Variants in DOCK9 observed in about 807,000 individuals in gnomAD.
The protein encoded by DOCK9 is dedicator of cytokinesis protein 9.
DOCK9 carries 89 observed loss-of-function variants against 263.3 expected under a neutral mutation model. That is an observed-to-expected ratio of 0.34 (90% CI 0.28 to 0.40). The LOEUF (loss-of-function observed/expected upper bound fraction) is 0.40, where lower values mean the gene tolerates loss of function less well. Ranked by LOEUF, DOCK9 falls within the 10% of genes least tolerant of loss-of-function variation. DOCK9 has a pLI of 1.00. For missense variants in DOCK9, 2,140 were observed against 2,603.4 expected (o/e 0.82, Z 3.87); for synonymous variants, 976 against 973.1 (o/e 1.00, Z -0.06).
intron 2 of DOCK9, among the ~76,000 whole-genome samples, chr13:98,952,601 C>G (rs537591711): frequency 6.6e-6 from 1 of 152,308 alleles, no homozygotes; most frequent in South Asian, 2.1e-4. Context: ...GTTGTAGTAA[C>G]TACTCTTCTG....
rs556933665 is a variant in DOCK9, at chr13:98,875,721, T to C, written c.2943+4177A>G. Among the ~76,000 whole-genome samples the C allele has an allele frequency of 7.7e-4, 118 of 152,344 alleles. 1 individual carries two copies. In the South Asian group the frequency reaches 0.024, roughly 31 times the overall value. ...GTCTGCTTTACATTTTTCTCAAATA[T>C]CACTTGTACCCTCCAAGTACATGTC... is the stretch of plus-strand genomic sequence containing the variant. On this transcript the variant is annotated intron_variant, in intron 27 of 52. Coordinates refer to ENST00000682017, the MANE Select transcript of DOCK9 (RefSeq NM_001366683.2).
chr13:98,829,786 A>G lies in DOCK9; in HGVS notation c.4636-30T>C. Reference sequence around the variant, plus strand: ...GGGACACACAAACATGAGCAAATCAATTTACCTTCAAATGACTGCCCAGGC... The same window carrying G: ...GGGACACACAAACATGAGCAAATCAGTTTACCTTCAAATGACTGCCCAGGC... On this transcript the variant is annotated intron_variant, in intron 41 of 52. Coordinates refer to ENST00000682017, the MANE Select transcript of DOCK9 (RefSeq NM_001366683.2). The surrounding 1 kb of genome is among the most constrained non-coding windows in gnomAD (Gnocchi z 4.1). 1 of 1,552,450 alleles carries G rather than the reference A, an allele frequency of 6.4e-7. No homozygotes were observed.
intron 1 of DOCK9, among the ~76,000 whole-genome samples, chr13:99,003,715 C>A (rs1210891240): frequency 3.3e-5 from 5 of 152,174 alleles, no homozygotes; most frequent in South Asian, 2.1e-4. Flanking sequence ...AATCTTCTAT[C>A]TCCTCCACCA....
chr13:98,995,041 G>A (rs141693570), intron 1 of DOCK9, among the ~76,000 whole-genome samples: 21 of 152,248 alleles, frequency 1.4e-4, no homozygotes, highest in African/African-American at 3.6e-4. Flanking sequence ...AGAAATGTAC[G>A]CATGGGAAAA....
At chr13:99,067,974 G>T (rs1014707929) in intron 1 of DOCK9, among the ~76,000 whole-genome samples, 1 of 149,808 alleles carries the variant, frequency 6.7e-6, no homozygotes. Flanking sequence ...CCATCAAATA[G>T]AGTTCCCTAA....
At chr13:99,021,875 A>G (rs930940710) in intron 1 of DOCK9, among the ~76,000 whole-genome samples, 1 of 151,900 alleles carries the variant, frequency 6.6e-6, no homozygotes, top group Non-Finnish European at 1.5e-5. Context: ...GGGGCTTAAA[A>G]CCTAGATGAC....
chr13:98,861,536 G>A (rs1041138511), intron 32 of DOCK9, among the ~76,000 whole-genome samples: 14 of 152,198 alleles, frequency 9.2e-5, no homozygotes, highest in Non-Finnish European at 1.5e-5. Context: ...GCAGGTTTTA[G>A]ATGTAAAACT....
At chr13:98,843,895 C>A (rs1429819470) in intron 38 of DOCK9, among the ~76,000 whole-genome samples, 1 of 152,208 alleles carries the variant, frequency 6.6e-6, no homozygotes, top group African/African-American at 2.4e-5. Context: ...ACATGTGGAC[C>A]ATTCATTTAA....
At chr13:99,006,506 T>C (rs949808401) in intron 1 of DOCK9, among the ~76,000 whole-genome samples, 7 of 152,244 alleles carry the variant, frequency 4.6e-5, no homozygotes, top group African/African-American at 1.7e-4. Context: ...ATACTATACA[T>C]ATGTTAAATC....
Position 98,918,033 on chromosome 13 carries a change from C to A in DOCK9, c.718-2530G>T, listed in dbSNP as rs1250055705. ...GATTCTGGACCCCTCCCTTCCACTG[C>A]TGACCATAAGGAAGAAACAGGATCT... is the stretch of plus-strand genomic sequence containing the variant. On this transcript the variant is annotated intron_variant, in intron 7 of 52. Transcript: ENST00000682017. Among the ~76,000 whole-genome samples, 3 of 152,206 alleles carry A rather than the reference C, an allele frequency of 2.0e-5. No individual in the cohort carries two copies. The East Asian group carries it at 5.8e-4, about 29-fold the overall frequency.
intron 1 of DOCK9, among the ~76,000 whole-genome samples, chr13:99,013,012 G>T (rs986111387): frequency 1.3e-5 from 2 of 152,152 alleles, no homozygotes; most frequent in African/African-American, 2.4e-5. Context: ...TTCCCTCATT[G>T]ATTGAGCATT....
intron 1 of DOCK9, among the ~76,000 whole-genome samples, chr13:99,046,992 A>C (rs1304655628): frequency 6.6e-6 from 1 of 152,254 alleles, no homozygotes; most frequent in Non-Finnish European, 1.5e-5. Context: ...GTCCAGGTTT[A>C]ATCTCCTATC....
At chr13:99,045,103 C>G (rs1381945631) in intron 1 of DOCK9, among the ~76,000 whole-genome samples, 2 of 152,128 alleles carry the variant, frequency 1.3e-5, no homozygotes, top group African/African-American at 4.8e-5. Flanking sequence ...TATGGGGGTT[C>G]CTTAAAAGAT....
intron 9 of DOCK9, among the ~76,000 whole-genome samples, chr13:98,913,712 G>A (rs1462885029): frequency 3.3e-5 from 5 of 152,096 alleles, no homozygotes; most frequent in Admixed American, 1.3e-4. Flanking sequence ...AACTATAACC[G>A]ATGTTTTATA....
chr13:98,947,506 A>ATTTT (rs35004750), intron 2 of DOCK9, among the ~76,000 whole-genome samples: 30,780 of 123,234 alleles, frequency 0.25, 4,121 homozygotes, highest in East Asian at 0.51. Flanking sequence ...TCTATTCAGA[A>ATTTT]TTTTTTTTTT....
chr13:98,871,641 C>G (rs978793435), intron 27 of DOCK9: 4 of 152,202 alleles, frequency 2.6e-5, no homozygotes, highest in African/African-American at 9.7e-5. Context: ...GTAGTGAGTA[C>G]CTGATAGAGG....
intron 1 of DOCK9, among the ~76,000 whole-genome samples, chr13:99,068,102 A>C (rs953615062): frequency 2.6e-5 from 4 of 152,108 alleles, no homozygotes; most frequent in African/African-American, 9.7e-5. Context: ...GGAATCACCA[A>C]CTGTGACTAT....
chr13:98,811,635 C>G (rs1033204912), intron 45 of DOCK9, among the ~76,000 whole-genome samples: 1 of 152,206 alleles, frequency 6.6e-6, no homozygotes, highest in African/African-American at 2.4e-5. Context: ...TGATCTTGAA[C>G]TCCTGCCCTC....
intron 1 of DOCK9, among the ~76,000 whole-genome samples, chr13:98,967,335 T>C (rs1358333203): frequency 6.6e-6 from 1 of 152,234 alleles, no homozygotes; most frequent in Non-Finnish European, 1.5e-5. Flanking sequence ...TTCAATAGAA[T>C]TTTAGCCCCT....
Sources: allele counts gnomAD v4.1 joint callset (sites outside exome capture counted in the v4.1 genomes callset), GRCh38; gene constraint gnomAD v4.1.1; non-coding constraint Gnocchi (gnomAD v3.1); transcripts MANE v1.5; gene names NCBI Gene and HGNC (gene_info 2026-07-23, HGNC 2026-07-21).